Variants in FOXN4 observed in about 807,000 individuals in gnomAD.
FOXN4 encodes the protein forkhead box protein N4.
FOXN4 carries 12 observed loss-of-function variants against 45.0 expected under a neutral mutation model. The observed-to-expected ratio is 0.27, with a 90% CI of 0.17 to 0.43. The LOEUF is 0.43. Among genes scored for constraint, FOXN4 ranks in the 20% least tolerant of loss-of-function variants. The pLI is 1.00. For missense variants in FOXN4, 560 were observed against 694.9 expected (o/e 0.81, Z 2.18); for synonymous variants, 297 against 295.0 (o/e 1.01, Z -0.07).
chr12:109,290,390 C>G lies in FOXN4; in HGVS notation c.87-104G>C. ...CACCCGCTTAATGTGCCTCATCTCC[C>G]CAAGCCACGCCAGCCCTCCAACCTG... On this transcript the variant is annotated intron_variant, in intron 2 of 9. Coordinates refer to ENST00000299162, the MANE Select transcript of FOXN4 (RefSeq NM_213596.3). The surrounding 1 kb of genome is among the most constrained non-coding windows in gnomAD (Gnocchi z 5.1). 1 of 1,365,426 alleles carries G rather than the reference C, an allele frequency of 7.3e-7. No individual in the cohort carries two copies. The highest frequency in any genetic ancestry group is 9.7e-7 in the Non-Finnish European group (1 of 1,026,608). 84.6% of individuals were successfully genotyped at this position (1,365,426 alleles called of 1,614,324 possible).
rs2047736321 is a variant in FOXN4 at position 109,288,422 on chromosome 12, T to C, written c.233-242A>G. Among the ~76,000 whole-genome samples the C allele has an allele frequency of 6.6e-6, 1 of 152,158 alleles. No homozygotes were observed. The highest frequency in any genetic ancestry group is 1.5e-5 in the Non-Finnish European group (1 of 68,028). On this transcript the variant is annotated intron_variant, in intron 3 of 9. Coordinates refer to ENST00000299162, the MANE Select transcript of FOXN4 (RefSeq NM_213596.3). The surrounding 1 kb of genome is among the most constrained non-coding windows in gnomAD (Gnocchi z 4.3). ...TACTTGATCTACTGATACCCCTAAC[T>C]ATAAATCTGCTGTGAGGGTTAAATG...
Position 109,279,946 on chromosome 12 carries a change from G to C in FOXN4, c.1295-16C>G. ...CACAGGTTCCCTTTCAAAGACAAAA[G>C]CATTAGGGTGAGCTGGCTTCCCATC... is the stretch of plus-strand genomic sequence containing the variant. On this transcript the variant is annotated splice_polypyrimidine_tract_variant and intron_variant, in intron 9 of 9. Coordinates refer to ENST00000299162, the MANE Select transcript of FOXN4 (RefSeq NM_213596.3). 1 of 1,612,594 alleles carries C rather than the reference G, an allele frequency of 6.2e-7. No individual in the cohort carries two copies. The highest frequency in any genetic ancestry group is 1.1e-5 in the South Asian group (1 of 91,060).
At chr12:109,296,501 G>T (rs1447762061) in intron 2 of FOXN4, among the ~76,000 whole-genome samples, 1 of 152,216 alleles carries the variant, frequency 6.6e-6, no homozygotes, top group South Asian at 2.1e-4. Context: ...GAGCCCCAGG[G>T]AGCGCTCTAG....
At chr12:109,280,037 A>C (rs2047637756) in intron 9 of FOXN4, 107 bp from the exon 10 acceptor site, 1 of 1,495,336 alleles carries the variant, frequency 6.7e-7, no homozygotes, top group Non-Finnish European at 9.1e-7. Flanking sequence ...TGTCTAAGTC[A>C]TGTGTTGTAG....
Position 109,279,592 on chromosome 12 carries a change from C to A in FOXN4, c.*79G>T, listed in dbSNP as rs1039812869. Reference sequence around the variant, plus strand: ...GGCTTCGGGGACAATGAGGGACCTGCCTTCTGGGAACACCCTGTTCTAGTC... The same window carrying A: ...GGCTTCGGGGACAATGAGGGACCTGACTTCTGGGAACACCCTGTTCTAGTC... On this transcript the variant is annotated 3_prime_UTR_variant, in exon 10 of 10. Transcript: ENST00000299162. 3.9e-6 allele frequency: 6 copies of A among 1,529,008 alleles called. No homozygotes were observed. Among genetic ancestry groups the A allele is most frequent in the Non-Finnish European group, 5.3e-6 (6 of 1,133,346 alleles). The allele number at this position is 1,529,008 out of a possible 1,614,324, so 94.7% of individuals were successfully genotyped here.
Position 109,308,255 on chromosome 12 carries a change from G to C in FOXN4, c.67C>G (p.Pro23Ala). The change falls in exon 2 of 10, where the codon CCC becomes GCC. Residue 23 changes from proline to alanine, a missense_variant. Transcript: ENST00000299162. ...CCTCACCTGTATTCCTGTGGAGAGG[G>C]GTGGTGATTTTGCCCTGAGTTTCGA... is the stretch of plus-strand genomic sequence containing the variant. Reference protein sequence around the residue: ...IIRNSGQNHHPSPQEYRLLAT... With the variant: ...IIRNSGQNHHASPQEYRLLAT... 6.4e-7 allele frequency: 1 copy of C among 1,551,638 alleles called. No homozygotes were observed.
At chr12:109,284,478 C>T (rs2047683346) in intron 8 of FOXN4, among the ~76,000 whole-genome samples, 1 of 151,408 alleles carries the variant, frequency 6.6e-6, no homozygotes, top group Admixed American at 6.6e-5. Flanking sequence ...TGTGCGCACA[C>T]ACTAGGGGCT....
chr12:109,285,303 C>T lies in FOXN4; in HGVS notation c.901+1G>A. ...CGCACTGCGGGCTGTCCGGCCCTCA[C>T]CAGGGTTGGCCATACTCCGGTGGAT... On this transcript the variant is annotated splice_donor_variant, in intron 8 of 9. Coordinates refer to ENST00000299162, the MANE Select transcript of FOXN4 (RefSeq NM_213596.3). LOFTEE classifies it high-confidence loss of function. 1 of 1,605,210 alleles carries T rather than the reference C, an allele frequency of 6.2e-7. No homozygotes were observed.
rs142584246 is a variant in FOXN4, at chr12:109,279,734, C to G, written c.1491G>C (p.Ser497=). 7.0e-6 allele frequency: 11 copies of G among 1,579,996 alleles called. No individual in the cohort carries two copies. Among genetic ancestry groups the G allele is most frequent in the Non-Finnish European group, 9.5e-6 (11 of 1,163,558 alleles). ...GGTACTGGGAGGAGGAGCTGGTGCC[C>G]GATGCAGCCACACTGTCCGGAGTGG... ...AYSTPDSVAA[S]GTSSSSQYLG... Residue 497 remains serine, a synonymous_variant, in exon 10 of 10, where the codon TCG becomes TCC. Transcript: ENST00000299162.
At position 109,281,546 on chromosome 12, in the gene FOXN4, G is replaced by C; in HGVS notation, c.1155C>G (p.His385Gln). 1 of 1,612,612 alleles carries C rather than the reference G, an allele frequency of 6.2e-7. No homozygotes were observed. Among genetic ancestry groups the C allele is most frequent in the Non-Finnish European group, 8.5e-7 (1 of 1,179,308 alleles). ...GGCTGGGGCTGAGGTCCGGCAGGGC[G>C]TGCAGTGGCGGGGTCTGGGCTGGTG... ...SPAPAQTPPLHALPDLSPSPL... is the reference protein window; with the variant it reads ...SPAPAQTPPLQALPDLSPSPL... Residue 385 changes from histidine to glutamine, a missense_variant, in exon 9 of 10, where the codon CAC becomes CAG. Physicochemically the swap from His to Gln is conservative, Grantham distance 24 (BLOSUM62 0). Around this residue, in one of 5 missense-constraint regions of FOXN4, gnomAD observed 315 missense variants for 350.5 expected, o/e 0.90. Coordinates refer to ENST00000299162, the MANE Select transcript of FOXN4 (RefSeq NM_213596.3).
intron 8 of FOXN4, among the ~76,000 whole-genome samples, chr12:109,283,040 T>C (rs1262751935): frequency 6.6e-6 from 1 of 152,052 alleles, no homozygotes; most frequent in Non-Finnish European, 1.5e-5. Flanking sequence ...CAAGCCACAC[T>C]GCTAGCCCCA....
intron 2 of FOXN4, among the ~76,000 whole-genome samples, chr12:109,302,181 T>G (rs2047874639): frequency 6.6e-6 from 1 of 152,236 alleles, no homozygotes; most frequent in Non-Finnish European, 1.5e-5. Context: ...CAGCCAGCTC[T>G]GAGCCTTTCA....
intron 2 of FOXN4, among the ~76,000 whole-genome samples, chr12:109,303,164 G>A (rs1352649601): frequency 6.6e-6 from 1 of 152,202 alleles, no homozygotes; most frequent in East Asian, 1.9e-4. Flanking sequence ...GAAACTGCAA[G>A]ACTGGGAAAG....
chr12:109,306,595 A>T (rs953833389), intron 2 of FOXN4, among the ~76,000 whole-genome samples: 1 of 152,232 alleles, frequency 6.6e-6, no homozygotes, highest in East Asian at 1.9e-4. Flanking sequence ...TATGATACAT[A>T]TATCATTTAA....
chr12:109,297,251 C>T (rs555229698), intron 2 of FOXN4, among the ~76,000 whole-genome samples: 83 of 152,362 alleles, frequency 5.4e-4, no homozygotes, highest in East Asian at 5.8e-4. Flanking sequence ...AGATCAGCAG[C>T]GGCATTAGAT....
intron 9 of FOXN4, among the ~76,000 whole-genome samples, 166 bp downstream of exon 9, chr12:109,281,241 C>T (rs1419725893): frequency 6.6e-6 from 1 of 152,146 alleles, no homozygotes; most frequent in African/African-American, 2.4e-5. Flanking sequence ...GATTTTGGAG[C>T]ATTTTGGATT....
chr12:109,281,489 A>G lies in FOXN4; in HGVS notation c.1212T>C (p.Pro404=), dbSNP rs62640915. The G allele has an allele frequency of 7.4e-4, 1,202 of 1,614,012 alleles. 11 individuals carry two copies. In the African/African-American group the frequency reaches 0.013, roughly 17 times the overall value. ...PLPHPAMGRA[P]VDFINISTDM... is the part of the protein sequence containing the mutation. ...CGGTGCTGATGTTGATGAAGTCTAC[A>G]GGAGCCCTTCCCATGGCGGGGTGGG... Residue 404 remains proline, a synonymous_variant, in exon 9 of 10, where the codon CCT becomes CCC. Coordinates refer to ENST00000299162, the MANE Select transcript of FOXN4 (RefSeq NM_213596.3).
chr12:109,296,425 A>G (rs1478391062), intron 2 of FOXN4, among the ~76,000 whole-genome samples: 1 of 151,994 alleles, frequency 6.6e-6, no homozygotes, highest in Non-Finnish European at 1.5e-5. Flanking sequence ...TTCCCTCACA[A>G]AGGATGCCTT....
chr12:109,280,609 C>A (rs529238250), intron 9 of FOXN4, among the ~76,000 whole-genome samples: 3 of 152,166 alleles, frequency 2.0e-5, no homozygotes, highest in Admixed American at 2.0e-4. Flanking sequence ...CGTTGAACTA[C>A]ACAACAATCC....
Sources: allele counts gnomAD v4.1 joint callset (sites outside exome capture counted in the v4.1 genomes callset), GRCh38; gene constraint gnomAD v4.1.1; regional missense constraint gnomAD v4.1.1; non-coding constraint Gnocchi (gnomAD v3.1); transcripts MANE v1.5; gene names NCBI Gene and HGNC (gene_info 2026-07-23, HGNC 2026-07-21).